The following EZH2 variants were observed in gnomAD, a reference collection of about 807,000 sequenced individuals.
EZH2 encodes the protein histone-lysine N-methyltransferase EZH2.
A neutral mutation model predicts 98.4 loss-of-function variants in EZH2; 18 were observed. The observed-to-expected ratio is 0.18, with a 90% CI of 0.13 to 0.27. EZH2 has a LOEUF of 0.27. Ranked by LOEUF, EZH2 falls within the 10% of genes least tolerant of loss-of-function variation. The pLI is 1.00. For synonymous variants in EZH2, 338 were observed against 312.3 expected, an observed-to-expected ratio of 1.08 and a Z score of -0.87; for missense variants, 470 against 935.1, an observed-to-expected ratio of 0.50 and a Z score of 6.49.
chr7:148,866,944 C>T (rs912124334), intron 1 of EZH2, among the ~76,000 whole-genome samples: 4 of 149,030 alleles, frequency 2.7e-5, no homozygotes, highest in Non-Finnish European at 6.0e-5. Flanking sequence ...GAACTCCTAA[C>T]CTCAAGTGAT....
intron 1 of EZH2, among the ~76,000 whole-genome samples, chr7:148,862,925 T>TTTGTTTTG (rs1327397564): frequency 6.6e-6 from 1 of 151,852 alleles, no homozygotes; most frequent in Non-Finnish European, 1.5e-5. Context: ...TTTGTTTTGT[T>TTTGTTTTG]TTTTTAAAAA....
chr7:148,847,795 T>C (rs1323850244), intron 1 of EZH2, among the ~76,000 whole-genome samples: 4 of 152,198 alleles, frequency 2.6e-5, no homozygotes, highest in Non-Finnish European at 5.9e-5. Flanking sequence ...TATAATAAAA[T>C]GTACAAAGGT....
intron 1 of EZH2, among the ~76,000 whole-genome samples, chr7:148,865,428 C>A (rs776203703): frequency 7.2e-5 from 11 of 152,200 alleles, no homozygotes; most frequent in Non-Finnish European, 2.9e-5. Flanking sequence ...ATTCCAGACA[C>A]TAAGCGTTTG....
In EZH2 at chr7:148,874,166, G is replaced by A. The variant is rs537959896; in HGVS notation, c.-8+9998C>T. 9.2e-5 allele frequency among the ~76,000 whole-genome samples: 14 copies of A among 152,242 alleles called. No homozygotes were observed. In the South Asian group the frequency reaches 1.0e-3, roughly 11 times the overall value. ...TTTGGGAGGCCAAGATGGGAACATC[G>A]CTTGAGCTCAGGAATCTTGAGACCA... On this transcript the variant is annotated intron_variant, in intron 1 of 19. Transcript: ENST00000320356.
intron 3 of EZH2, among the ~76,000 whole-genome samples, chr7:148,846,123 TC>T (rs1813950203): frequency 6.6e-6 from 1 of 152,214 alleles, no homozygotes; most frequent in African/African-American, 2.4e-5. Context: ...CATGGCTAAT[TC>T]AAATTGGGGT....
chr7:148,835,178 G>C (rs1225530839), intron 3 of EZH2, among the ~76,000 whole-genome samples: 9 of 152,136 alleles, frequency 5.9e-5, no homozygotes, highest in African/African-American at 1.2e-4. Context: ...TCAGCACTTT[G>C]GCAGGCCAAG....
chr7:148,813,526 AAT>A (rs1249565550), intron 15 of EZH2, among the ~76,000 whole-genome samples: 3 of 151,910 alleles, frequency 2.0e-5, no homozygotes, highest in Non-Finnish European at 4.4e-5. Flanking sequence ...TGCCATGGGA[AAT>A]TTCATCTTTT....
At chr7:148,824,901 A>G (rs753064921) in intron 8 of EZH2, among the ~76,000 whole-genome samples, 26 of 152,188 alleles carry the variant, frequency 1.7e-4, no homozygotes, top group Non-Finnish European at 3.2e-4. Context: ...CAACTTTATT[A>G]AAGTAAAATA....
intron 1 of EZH2, chr7:148,883,944 TCCCGCGGGCCAG>T (rs1563087151): frequency 1.3e-5 from 2 of 150,596 alleles, no homozygotes. Flanking sequence ...ACTCGCAGGG[TCCCGCGGGCCAG>T]CCCGAAGCTC....
chr7:148,848,587 G>A (rs903493508), intron 1 of EZH2, among the ~76,000 whole-genome samples: 5 of 152,196 alleles, frequency 3.3e-5, no homozygotes, highest in African/African-American at 1.2e-4. Context: ...ACCACCAACA[G>A]ATGACAGAGA....
intron 1 of EZH2, among the ~76,000 whole-genome samples, chr7:148,872,595 A>G (rs893846388): frequency 6.6e-6 from 1 of 152,256 alleles, no homozygotes; most frequent in Non-Finnish European, 1.5e-5. Flanking sequence ...ATGTGCAAGC[A>G]TATCGTAGGA....
intron 19 of EZH2, 67 bp downstream of exon 19, chr7:148,809,001 CCTT>C: frequency 7.8e-7 from 1 of 1,289,334 alleles, no homozygotes; most frequent in Non-Finnish European, 1.1e-6. Flanking sequence ...TAAAAACCCT[CCTT>C]TGTCCAGAGT....
chr7:148,854,228 G>A (rs747487232), intron 1 of EZH2, among the ~76,000 whole-genome samples: 12 of 151,972 alleles, frequency 7.9e-5, no homozygotes, highest in Admixed American at 2.6e-4. Context: ...GGCAGATCAT[G>A]AGGTCAGGAG....
At chr7:148,866,651 T>C (rs1042757475) in intron 1 of EZH2, among the ~76,000 whole-genome samples, 2 of 146,088 alleles carry the variant, frequency 1.4e-5, no homozygotes, top group African/African-American at 2.5e-5. Context: ...TACATATACG[T>C]ATATACGTAT....
At chr7:148,810,190 C>G in intron 17 of EZH2, 143 bp downstream of exon 17, 1 of 535,086 alleles carries the variant, frequency 1.9e-6, no homozygotes, top group Non-Finnish European at 3.4e-6. Context: ...CAGTTCCTTT[C>G]AAGCAAGCAG....
At chr7:148,835,465 G>A (rs1207288357) in intron 3 of EZH2, among the ~76,000 whole-genome samples, 2 of 150,894 alleles carry the variant, frequency 1.3e-5, no homozygotes, top group African/African-American at 2.4e-5. Context: ...AATGTAATAG[G>A]AGCATCTCCT....
At chr7:148,865,277 C>A (rs1818285612) in intron 1 of EZH2, among the ~76,000 whole-genome samples, 1 of 152,114 alleles carries the variant, frequency 6.6e-6, no homozygotes. Flanking sequence ...ACCAGGTGTT[C>A]TTTTTGCTAA....
chr7:148,809,662 CAAAAA>C (rs5888341), intron 17 of EZH2, among the ~76,000 whole-genome samples: 171 of 142,432 alleles, frequency 1.2e-3, no homozygotes, highest in African/African-American at 4.2e-3. Flanking sequence ...CAAAACATAG[CAAAAA>C]AAAAAAAAAA....
At chr7:148,846,643 G>A in intron 2 of EZH2, 45 bp from the exon 3 acceptor site, 2 of 1,563,210 alleles carry the variant, frequency 1.3e-6, no homozygotes, top group Non-Finnish European at 1.7e-6. Flanking sequence ...ATTGTTCATT[G>A]TTAGAAAATG....
Sources: gnomAD v4.1 joint callset for allele counts (sites outside exome capture counted in the v4.1 genomes callset) on GRCh38, gnomAD v4.1.1 for gene constraint, MANE v1.5 for transcripts, NCBI Gene and HGNC (gene_info 2026-07-23, HGNC 2026-07-21) for gene names.